Variants in ZFP91 observed in about 807,000 individuals in gnomAD.
ZFP91 encodes ZFP91 zinc finger protein, atypical E3 ubiquitin ligase, also known as E3 ubiquitin-protein ligase ZFP91.
In ZFP91, 7 loss-of-function variants were observed where a neutral mutation model predicts 63.5. The ratio of observed to expected loss-of-function variants is 0.11; its 90% CI spans 0.06 to 0.21. ZFP91 has a LOEUF of 0.21. Among genes scored for constraint, ZFP91 ranks in the 10% least tolerant of loss-of-function variants. The pLI is 1.00. For synonymous variants in ZFP91, 330 were observed against 272.1 expected, an observed-to-expected ratio of 1.21 and a Z score of -2.10; for missense variants, 628 against 736.6, an observed-to-expected ratio of 0.85 and a Z score of 1.71.
At chr11:58,605,152 T>C (rs983287906) in intron 2 of ZFP91, among the ~76,000 whole-genome samples, 2 of 152,222 alleles carry the variant, frequency 1.3e-5, no homozygotes, top group African/African-American at 4.8e-5. Context: ...CTTTATCTAG[T>C]TTAATGCCAG....
At chr11:58,600,754 G>A (rs941931567) in intron 2 of ZFP91, among the ~76,000 whole-genome samples, 2 of 152,116 alleles carry the variant, frequency 1.3e-5, no homozygotes, top group Non-Finnish European at 2.9e-5. Flanking sequence ...GGAGAGCTTT[G>A]TCTTTTACCA....
chr11:58,579,608 G>A lies in ZFP91; in HGVS notation c.327G>A (p.Lys109=), dbSNP rs914356537. ...AKSPSPVQGK[K]SPRLLCIEKV... Reference sequence around the variant, plus strand: ...CCCCGTCTCCAGTTCAGGGCAAGAAGAGTCCGCGACTCCTGTGAGTAACAG... The same window carrying A: ...CCCCGTCTCCAGTTCAGGGCAAGAAAAGTCCGCGACTCCTGTGAGTAACAG... Residue 109 remains lysine (K), a synonymous_variant, in exon 1 of 11, where the codon AAG becomes AAA. Coordinates refer to ENST00000316059, the MANE Select transcript of ZFP91 (RefSeq NM_053023.5). 1.3e-6 allele frequency: 2 copies of A among 1,573,992 alleles called. No individual in the cohort carries two copies. The highest frequency in any genetic ancestry group is 3.7e-5 in the Admixed American group (2 of 54,710).
At position 58,604,981 on chromosome 11, in the gene ZFP91, T is replaced by C. The variant is rs1320505254; in HGVS notation, c.371-4849T>C. On this transcript the variant is annotated intron_variant, in intron 2 of 10. Coordinates refer to ENST00000316059, the MANE Select transcript of ZFP91 (RefSeq NM_053023.5). Reference sequence around the variant, plus strand: ...CGATAAGAATGGCCTGCCATTTTGCTTTGTGTTTTCTACCTGTCTTAATAT... The same window carrying C: ...CGATAAGAATGGCCTGCCATTTTGCCTTGTGTTTTCTACCTGTCTTAATAT... Among the ~76,000 whole-genome samples the C allele has an allele frequency of 3.9e-5, 6 of 152,360 alleles. No homozygotes were observed. In the East Asian group the frequency reaches 1.2e-3, roughly 29 times the overall value.
chr11:58,601,254 T>C (rs1855486514), intron 2 of ZFP91, among the ~76,000 whole-genome samples: 1 of 152,182 alleles, frequency 6.6e-6, no homozygotes, highest in East Asian at 1.9e-4. Flanking sequence ...TATTGGGAGC[T>C]TTTTGTTTAC....
At chr11:58,584,113 G>T (rs982584147) in intron 1 of ZFP91, among the ~76,000 whole-genome samples, 8 of 151,972 alleles carry the variant, frequency 5.3e-5, no homozygotes, top group East Asian at 3.9e-4. Context: ...TGTTTTGGGG[G>T]TTTTTAAAAA....
intron 2 of ZFP91, among the ~76,000 whole-genome samples, chr11:58,592,237 CCA>C (rs1414239852): frequency 2.0e-5 from 3 of 151,872 alleles, no homozygotes; most frequent in Non-Finnish European, 4.4e-5. Flanking sequence ...TGGTGTACCA[CCA>C]CATCTGCCTA....
chr11:58,602,850 G>T lies in ZFP91; in HGVS notation c.371-6980G>T, dbSNP rs113636542. 3.0e-3 allele frequency among the ~76,000 whole-genome samples: 463 copies of T among 152,284 alleles called. 2 individuals carry two copies. The highest frequency in any genetic ancestry group is 0.011 in the African/African-American group (441 of 41,566). ...TTGAGTATTTTGAGGTATGGTGCAT[G>T]CCTCTAATCCCAGCTATACTCGGGA... On this transcript the variant is annotated intron_variant, in intron 2 of 10. Coordinates refer to ENST00000316059, the MANE Select transcript of ZFP91 (RefSeq NM_053023.5).
At chr11:58,587,907 A>G (rs1855238363) in intron 2 of ZFP91, among the ~76,000 whole-genome samples, 1 of 152,138 alleles carries the variant, frequency 6.6e-6, no homozygotes, top group East Asian at 1.9e-4. Flanking sequence ...TAAATGTTTA[A>G]TGGAATGATA....
chr11:58,601,342 G>A (rs2134408065), intron 2 of ZFP91, among the ~76,000 whole-genome samples: 1 of 152,280 alleles, frequency 6.6e-6, no homozygotes. Flanking sequence ...ATTTGTGTGT[G>A]CCTAAGAAGT....
chr11:58,609,714 T>G, intron 2 of ZFP91, 116 bp from the exon 3 acceptor site: 1 of 940,388 alleles, frequency 1.1e-6, no homozygotes, highest in Non-Finnish European at 1.6e-6. Flanking sequence ...GTCTTCAGTT[T>G]TTTTTCCTTT....
intron 2 of ZFP91, among the ~76,000 whole-genome samples, chr11:58,609,601 G>A (rs1855624191): frequency 6.6e-6 from 1 of 152,104 alleles, no homozygotes; most frequent in Non-Finnish European, 1.5e-5. Context: ...AGAAGATAAG[G>A]CAGTATAAAA....
chr11:58,609,984 C>G lies in ZFP91; in HGVS notation c.525C>G (p.Thr175=). 1 of 1,614,170 alleles carries G rather than the reference C, an allele frequency of 6.2e-7. No homozygotes were observed. The highest frequency in any genetic ancestry group is 8.5e-7 in the Non-Finnish European group (1 of 1,180,010). Residue 175 remains threonine (T), a synonymous_variant, in exon 3 of 11, where the codon ACC becomes ACG. Transcript: ENST00000316059. ...ACACCCGAAGCTCTCGGTCCAAGAC[C>G]GGTTCATTGCAGCTCATTTGCAAGT... ...TENTRSSRSK[T]GSLQLICKSE... is the part of the protein sequence containing the mutation.
intron 2 of ZFP91, among the ~76,000 whole-genome samples, chr11:58,591,235 C>T (rs1340539316): frequency 6.6e-6 from 1 of 152,172 alleles, no homozygotes; most frequent in African/African-American, 2.4e-5. Context: ...ACAGTAGGCA[C>T]TCTTTTGTGT....
intron 2 of ZFP91, among the ~76,000 whole-genome samples, chr11:58,600,423 GAATA>G (rs1855474561): frequency 6.6e-6 from 1 of 151,734 alleles, no homozygotes; most frequent in African/African-American, 2.4e-5. Flanking sequence ...CTGGCACTTT[GAATA>G]AAGGTAATAA....
At chr11:58,607,737 A>G (rs144861887) in intron 2 of ZFP91, among the ~76,000 whole-genome samples, 169 of 152,304 alleles carry the variant, frequency 1.1e-3, no homozygotes, top group Non-Finnish European at 1.8e-3. Flanking sequence ...GCCATACTGT[A>G]TATATAGTTT....
At chr11:58,582,622 T>A (rs1403647486) in intron 1 of ZFP91, among the ~76,000 whole-genome samples, 7 of 152,224 alleles carry the variant, frequency 4.6e-5, no homozygotes, top group Non-Finnish European at 1.0e-4. Flanking sequence ...GGATAAAGCA[T>A]TGGACTTTAG....
chr11:58,609,947 G>T lies in ZFP91; in HGVS notation c.488G>T (p.Arg163Leu), dbSNP rs200526500. The T allele has an allele frequency of 1.2e-5, 20 of 1,614,080 alleles. No homozygotes were observed. In the Middle Eastern group the frequency reaches 4.9e-4, roughly 40 times the overall value. Reference protein sequence around the residue: ...RSSRTSVSRHRDTENTRSSRS... With the variant: ...RSSRTSVSRHLDTENTRSSRS... ...AGTAGGACATCTGTTTCTCGCCATC[G>T]TGATACAGAGAACACCCGAAGCTCT... The change falls in exon 3 of 11, where the codon CGT becomes CTT. Residue 163 changes from arginine (R) to leucine (L), a missense_variant. Transcript: ENST00000316059.
At chr11:58,612,877 T>C in intron 8 of ZFP91, 37 bp downstream of exon 8, 1 of 1,565,328 alleles carries the variant, frequency 6.4e-7, no homozygotes, top group Non-Finnish European at 8.7e-7. Context: ...TTTCAGGTTG[T>C]GTTCCATTAC....
Position 58,610,348 on chromosome 11 carries a change from T to C in ZFP91, c.617+14T>C. On this transcript the variant is annotated intron_variant, in intron 4 of 10. Transcript: ENST00000316059. Reference sequence around the variant, plus strand: ...AGGTGGCATTAGGTAAAAAAAACATTAATATTTCATTTTTAAACCTTTGGG... The same window carrying C: ...AGGTGGCATTAGGTAAAAAAAACATCAATATTTCATTTTTAAACCTTTGGG... 3 of 1,580,486 alleles carry C rather than the reference T, an allele frequency of 1.9e-6. No individual in the cohort carries two copies. Among genetic ancestry groups the C allele is most frequent in the Non-Finnish European group, 2.6e-6 (3 of 1,168,838 alleles).
Sources: allele counts gnomAD v4.1 joint callset (sites outside exome capture counted in the v4.1 genomes callset), GRCh38; gene constraint gnomAD v4.1.1; transcripts MANE v1.5; gene names NCBI Gene and HGNC (gene_info 2026-07-23, HGNC 2026-07-21).